ELOVL6: variants seen among roughly 807,000 people sequenced by gnomAD.
ELOVL6 encodes ELOVL fatty acid elongase 6.
A neutral mutation model predicts 31.7 loss-of-function variants in ELOVL6; 8 were observed. That is an observed-to-expected ratio of 0.25 (90% confidence interval 0.15 to 0.45). The LOEUF is 0.45. Among genes scored for constraint, ELOVL6 ranks in the 20% least tolerant of loss-of-function variants. ELOVL6 has a pLI of 1.00. For synonymous variants in ELOVL6, 101 were observed against 117.7 expected, an observed-to-expected ratio of 0.86 and a Z score of 0.92; for missense variants, 126 against 326.4, an observed-to-expected ratio of 0.39 and a Z score of 4.73.
intron 1 of ELOVL6, among the ~76,000 whole-genome samples, chr4:110,177,259 A>G (rs1759136906): frequency 6.6e-6 from 1 of 152,106 alleles, no homozygotes; most frequent in African/African-American, 2.4e-5. Context: ...GCAACATAGC[A>G]TGACCCCATC....
intron 1 of ELOVL6, among the ~76,000 whole-genome samples, chr4:110,178,683 G>T (rs564701080): frequency 6.6e-6 from 1 of 152,008 alleles, no homozygotes; most frequent in African/African-American, 2.4e-5. Context: ...GTGAGACCTC[G>T]TCTCTACAAA....
intron 1 of ELOVL6, among the ~76,000 whole-genome samples, chr4:110,176,758 A>G (rs572461226): frequency 6.6e-6 from 1 of 152,264 alleles, no homozygotes; most frequent in Non-Finnish European, 1.5e-5. Context: ...TATTTTTGAG[A>G]TGGAGTTTCA....
At chr4:110,187,492 T>A (rs1458865383) in intron 1 of ELOVL6, among the ~76,000 whole-genome samples, 1 of 151,442 alleles carries the variant, frequency 6.6e-6, no homozygotes, top group South Asian at 2.1e-4. Context: ...GCGGATCACC[T>A]GAGATCAGGA....
chr4:110,067,856 A>G (rs1755351399), intron 2 of ELOVL6, among the ~76,000 whole-genome samples: 1 of 152,162 alleles, frequency 6.6e-6, no homozygotes, highest in Admixed American at 6.5e-5. Context: ...CCAACTTTAA[A>G]TCCTCATTTC....
rs35412689 is a variant in ELOVL6 at position 110,176,037 on chromosome 4, T to TAA, written c.89+22208_89+22209dup. ...TCTCCTCATTGGCATAGTGGTGAGT[T>TAA]AAAAAAAAAAAAAAAGAACAAGAAA... On this transcript the variant is annotated intron_variant, in intron 1 of 3. Transcript: ENST00000302274. 1.8e-3 allele frequency among the ~76,000 whole-genome samples: 254 copies of TAA among 143,806 alleles called. 1 individual carries two copies. Among genetic ancestry groups the TAA allele is most frequent in the African/African-American group, 6.2e-3 (243 of 38,950 alleles). The allele number at this position is 143,806 out of a possible 152,430, so 94.3% of individuals were successfully genotyped here. A position where few individuals can be genotyped will look rare whatever the true frequency, so the allele number is the denominator to read the frequency against.
intron 1 of ELOVL6, among the ~76,000 whole-genome samples, chr4:110,136,501 AT>A (rs1385515731): frequency 1.3e-5 from 2 of 152,320 alleles, no homozygotes; most frequent in African/African-American, 4.8e-5. Context: ...AATCACCTAT[AT>A]TAGGAGCAAT....
intron 3 of ELOVL6, among the ~76,000 whole-genome samples, chr4:110,056,362 G>A (rs1754986710): frequency 1.3e-5 from 2 of 151,922 alleles, no homozygotes; most frequent in East Asian, 1.9e-4. Flanking sequence ...CAAAATGCAT[G>A]GGAAAAAAAA....
chr4:110,162,889 A>G (rs547770196), intron 1 of ELOVL6, among the ~76,000 whole-genome samples: 1 of 152,202 alleles, frequency 6.6e-6, no homozygotes, highest in Non-Finnish European at 1.5e-5. Flanking sequence ...TCATTGATGA[A>G]GAGAAAACTG....
At chr4:110,154,633 T>C (rs770748264) in intron 1 of ELOVL6, among the ~76,000 whole-genome samples, 4 of 152,226 alleles carry the variant, frequency 2.6e-5, no homozygotes, top group Admixed American at 6.5e-5. Context: ...AACATGTGAT[T>C]GCCTCTCAGC....
At chr4:110,080,135 G>T (rs1473734364) in intron 2 of ELOVL6, among the ~76,000 whole-genome samples, 1 of 152,146 alleles carries the variant, frequency 6.6e-6, no homozygotes, top group Non-Finnish European at 1.5e-5. Context: ...GGACCAGATG[G>T]ATTCACAGCC....
At chr4:110,082,813 C>T (rs1457395197) in intron 2 of ELOVL6, among the ~76,000 whole-genome samples, 1 of 152,216 alleles carries the variant, frequency 6.6e-6, no homozygotes, top group African/African-American at 2.4e-5. Flanking sequence ...GCATCCCTGT[C>T]AAGGGACGCA....
chr4:110,171,428 A>G (rs1480651889), intron 1 of ELOVL6, among the ~76,000 whole-genome samples: 1 of 151,456 alleles, frequency 6.6e-6, no homozygotes, highest in Non-Finnish European at 1.5e-5. Context: ...ATAAATAAAT[A>G]AATAAATAAA....
intron 2 of ELOVL6, among the ~76,000 whole-genome samples, chr4:110,104,885 G>A (rs542770146): frequency 6.6e-6 from 1 of 152,344 alleles, no homozygotes; most frequent in Non-Finnish European, 1.5e-5. Flanking sequence ...CAGATGCCCT[G>A]AGAGAACAGG....
At chr4:110,096,318 T>C (rs1756579124) in intron 2 of ELOVL6, among the ~76,000 whole-genome samples, 1 of 152,212 alleles carries the variant, frequency 6.6e-6, no homozygotes, top group Non-Finnish European at 1.5e-5. Flanking sequence ...TTTTAAAAGA[T>C]AGAAAGTTGT....
intron 2 of ELOVL6, among the ~76,000 whole-genome samples, chr4:110,086,005 C>G (rs1756253366): frequency 6.6e-6 from 1 of 152,120 alleles, no homozygotes; most frequent in African/African-American, 2.4e-5. Flanking sequence ...GGGGAAGAAA[C>G]CAGAAATGGA....
At chr4:110,113,220 T>C (rs1371199006) in intron 1 of ELOVL6, among the ~76,000 whole-genome samples, 18 of 89,294 alleles carry the variant, frequency 2.0e-4, no homozygotes, top group Admixed American at 5.5e-4. Flanking sequence ...AAAGCAAGAC[T>C]CCGTCTCAAA....
At chr4:110,101,514 A>G (rs1322466380) in intron 2 of ELOVL6, among the ~76,000 whole-genome samples, 2 of 152,202 alleles carry the variant, frequency 1.3e-5, no homozygotes, top group Admixed American at 6.5e-5. Context: ...AACACAAACA[A>G]TAATAAATGG....
Position 110,161,616 on chromosome 4 carries a change from T to A in ELOVL6, c.89+36631A>T, listed in dbSNP as rs1421609923. Among the ~76,000 whole-genome samples, 3 of 152,180 alleles carry A rather than the reference T, an allele frequency of 2.0e-5. No homozygotes were observed. In the East Asian group the frequency reaches 5.8e-4, roughly 29 times the overall value. ...GCTTTGTGTTGGCAATTTCACGGTT[T>A]AAAATGGCTCCCAAGCTTACTGCTA... is the stretch of plus-strand genomic sequence containing the variant. On this transcript the variant is annotated intron_variant, in intron 1 of 3. Coordinates refer to ENST00000302274, the MANE Select transcript of ELOVL6 (RefSeq NM_024090.3).
At chr4:110,196,488 C>G (rs1044234267) in intron 1 of ELOVL6, among the ~76,000 whole-genome samples, 3 of 152,216 alleles carry the variant, frequency 2.0e-5, no homozygotes, top group Admixed American at 6.5e-5. Context: ...GAGAAGGACC[C>G]CGGGCGGTGG....
Sources: gnomAD v4.1 joint callset for allele counts (sites outside exome capture counted in the v4.1 genomes callset) on GRCh38, gnomAD v4.1.1 for gene constraint, MANE v1.5 for transcripts, NCBI Gene and HGNC (gene_info 2026-07-23, HGNC 2026-07-21) for gene names.